The following BCO2 variants were observed in gnomAD, a reference collection of about 807,000 sequenced individuals.
The protein encoded by BCO2 is carotenoid-cleaving dioxygenase, mitochondrial.
In BCO2, 56 loss-of-function variants were observed where a neutral mutation model predicts 65.8. The observed-to-expected ratio is 0.85, with a 90% confidence interval of 0.69 to 1.06. The LOEUF is 1.06. Among genes scored for constraint, BCO2 ranks in the 50% least tolerant of loss-of-function variants. The probability of loss-of-function intolerance (pLI) is 0.00; values close to 1 mark genes in which losing one functional copy is unlikely to be tolerated. For missense variants in BCO2, 675 were observed against 698.5 expected, an observed-to-expected ratio of 0.97 and a Z score of 0.38; for synonymous variants, 233 against 242.3, an observed-to-expected ratio of 0.96 and a Z score of 0.36.
chr11:112,199,932 TG>T, intron 6 of BCO2, 105 bp downstream of exon 6: 1 of 1,372,046 alleles, frequency 7.3e-7, no homozygotes, highest in Admixed American at 2.0e-5. Context: ...CACGCTATGG[TG>T]ATAATGAGAC....
chr11:112,201,144 C>CT (rs1048562506), intron 7 of BCO2, among the ~76,000 whole-genome samples: 23 of 144,396 alleles, frequency 1.6e-4, no homozygotes, highest in Admixed American at 2.8e-4. Context: ...CTTCTTTTTC[C>CT]TTTTTTTTTG....
At chr11:112,181,929 G>T (rs113582870) in intron 2 of BCO2, 24 of 614,398 alleles carry the variant, frequency 3.9e-5, no homozygotes, top group Non-Finnish European at 5.6e-5. Flanking sequence ...CTGTTAATGG[G>T]AGAAAATTTT....
At position 112,216,295 on chromosome 11, in the gene BCO2, G is replaced by A. The variant is rs1859676552; in HGVS notation, c.1591G>A (p.Gly531Arg). 3.1e-6 allele frequency: 5 copies of A among 1,614,112 alleles called. No homozygotes were observed. The highest frequency in any genetic ancestry group is 4.2e-6 in the Non-Finnish European group (5 of 1,179,958). Residue 531 changes from glycine to arginine, a missense_variant, in exon 11 of 12, where the codon GGG (glycine) becomes AGG (arginine). Coordinates refer to ENST00000357685, the MANE Select transcript of BCO2 (RefSeq NM_031938.7). ...PAPGTNEEDGGVILSVVITPN... is the reference protein window; with the variant it reads ...PAPGTNEEDGRVILSVVITPN... ...ACCAGGAACCAATGAAGAAGATGGT[G>A]GGGTTATTCTTTCTGTGGTGATCAC...
At chr11:112,215,747 C>CAAAAAAAAAAAAAAAAAAAAAAACA (rs369901666) in intron 10 of BCO2, 1 of 119,846 alleles carries the variant, frequency 8.3e-6, no homozygotes, top group African/African-American at 2.9e-5. Flanking sequence ...CAAAAAAAAA[C>CAAAAAAAAAAAAAAAAAAAAAAACA]AAAAAAAAAA....
intron 8 of BCO2, among the ~76,000 whole-genome samples, chr11:112,208,377 A>G (rs752327381): frequency 2.7e-5 from 4 of 149,966 alleles, no homozygotes; most frequent in Non-Finnish European, 5.9e-5. Context: ...TATGCAAGTA[A>G]TGATAGTTCC....
At chr11:112,194,812 A>T in intron 5 of BCO2, 57 bp downstream of exon 5, 1 of 1,203,840 alleles carries the variant, frequency 8.3e-7, no homozygotes, top group Non-Finnish European at 1.2e-6. Flanking sequence ...CGGTGTGTAT[A>T]TAAAGATGAA....
At chr11:112,204,362 A>G (rs71478723) in intron 8 of BCO2, among the ~76,000 whole-genome samples, 29,799 of 152,184 alleles carry the variant, frequency 0.2, 3,893 homozygotes, top group Non-Finnish European at 0.28. Flanking sequence ...TAATGCTACA[A>G]TGAACGTAAG....
chr11:112,175,726 C>T (rs752046659), intron 1 of BCO2, 37 bp downstream of exon 1: 1 of 1,543,040 alleles, frequency 6.5e-7, no homozygotes, highest in Non-Finnish European at 9.0e-7. Context: ...TCATCCTCCT[C>T]TTCTTGCCAG....
intron 8 of BCO2, among the ~76,000 whole-genome samples, chr11:112,205,595 C>T (rs1027970625): frequency 2.6e-5 from 4 of 152,188 alleles, no homozygotes; most frequent in African/African-American, 9.7e-5. Context: ...GCTGGGTCTA[C>T]AGGTGCGTGG....
chr11:112,213,131 C>CTTTCTTTTTT (rs1859556426), intron 8 of BCO2, among the ~76,000 whole-genome samples: 1 of 63,064 alleles, frequency 1.6e-5, no homozygotes, highest in African/African-American at 7.5e-5. Context: ...AATTAAATAA[C>CTTTCTTTTTT]TTTTTTTTTT....
At chr11:112,181,237 A>C (rs907600886) in intron 2 of BCO2, 1 of 645,890 alleles carries the variant, frequency 1.5e-6, no homozygotes. Flanking sequence ...GCTGGAGTGC[A>C]GTGGCGGGAT....
chr11:112,197,589 A>G (rs1297438426), intron 5 of BCO2, among the ~76,000 whole-genome samples: 2 of 151,824 alleles, frequency 1.3e-5, no homozygotes, highest in African/African-American at 4.8e-5. Flanking sequence ...TGCCTTCAAA[A>G]TATATCAAAA....
chr11:112,213,178 T>C (rs953038348), intron 8 of BCO2, among the ~76,000 whole-genome samples: 15 of 143,186 alleles, frequency 1.0e-4, no homozygotes, highest in African/African-American at 3.6e-4. Flanking sequence ...AGTTTCACTC[T>C]TGTTGCCCAG....
chr11:112,183,770 T>A (rs1418143305), intron 2 of BCO2, among the ~76,000 whole-genome samples: 1 of 152,252 alleles, frequency 6.6e-6, no homozygotes, highest in African/African-American at 2.4e-5. Context: ...TTTACAATGT[T>A]TACTTTTTAG....
intron 2 of BCO2, among the ~76,000 whole-genome samples, chr11:112,182,349 G>A (rs1288026352): frequency 6.6e-6 from 1 of 152,138 alleles, no homozygotes; most frequent in Non-Finnish European, 1.5e-5. Flanking sequence ...TCCCATTACT[G>A]GGCATATACC....
chr11:112,201,904 A>G, intron 7 of BCO2, 119 bp from the exon 8 acceptor site: 1 of 832,120 alleles, frequency 1.2e-6, no homozygotes, highest in Admixed American at 3.1e-5. Context: ...CTGCCACTTC[A>G]GAGGGGAAAA....
intron 8 of BCO2, 73 bp from the exon 9 acceptor site, chr11:112,213,651 C>G: frequency 7.2e-7 from 1 of 1,391,968 alleles, no homozygotes; most frequent in Non-Finnish European, 1.0e-6. Flanking sequence ...ATGATGTTGA[C>G]TGGATCTAAA....
intron 9 of BCO2, 130 bp downstream of exon 9, chr11:112,213,991 T>A: frequency 1.4e-6 from 1 of 707,874 alleles, no homozygotes; most frequent in South Asian, 2.5e-5. Context: ...TAAGGTTATG[T>A]AACATCGCTT....
At chr11:112,177,027 T>C (rs1217084535) in intron 1 of BCO2, among the ~76,000 whole-genome samples, 1 of 152,164 alleles carries the variant, frequency 6.6e-6, no homozygotes. Context: ...ATACAACATA[T>C]AGACATGTAA....
Sources: allele counts gnomAD v4.1 joint callset (sites outside exome capture counted in the v4.1 genomes callset), GRCh38; gene constraint gnomAD v4.1.1; transcripts MANE v1.5; gene names NCBI Gene and HGNC (gene_info 2026-07-23, HGNC 2026-07-21).